The following DNAH9 variants were observed in gnomAD, a reference collection of about 807,000 sequenced individuals.
DNAH9 encodes dynein axonemal heavy chain 9.
A neutral mutation model predicts 471.6 loss-of-function variants in DNAH9; 345 were observed. The observed-to-expected ratio is 0.73, with a 90% confidence interval of 0.67 to 0.80. The LOEUF is 0.80. Among genes scored for constraint, DNAH9 ranks in the 30% least tolerant of loss-of-function variants. The pLI, the probability that DNAH9 is intolerant of heterozygous loss-of-function variation, is 0.00. For synonymous variants in DNAH9, 2,093 were observed against 2,123.6 expected (o/e 0.99, Z 0.40); for missense variants, 5,407 against 5,609.2 (o/e 0.96, Z 1.15).
intron 45 of DNAH9, among the ~76,000 whole-genome samples, chr17:11,817,366 C>G (rs1296717560): frequency 1.3e-5 from 2 of 152,216 alleles, no homozygotes; most frequent in Non-Finnish European, 2.9e-5. Flanking sequence ...ATACCACCAT[C>G]ATTTGAGCAC....
chr17:11,797,379 G>A (rs1969281923), intron 42 of DNAH9, among the ~76,000 whole-genome samples: 1 of 152,072 alleles, frequency 6.6e-6, no homozygotes. Flanking sequence ...CCCATCCTCA[G>A]TCCTTAAGGA....
chr17:11,924,357 G>A (rs1347751496), intron 62 of DNAH9, among the ~76,000 whole-genome samples: 1 of 152,004 alleles, frequency 6.6e-6, no homozygotes, highest in Non-Finnish European at 1.5e-5. Flanking sequence ...CTTCGTCACG[G>A]GCATGACTAG....
At chr17:11,814,244 G>A (rs1970018067) in intron 45 of DNAH9, among the ~76,000 whole-genome samples, 1 of 152,092 alleles carries the variant, frequency 6.6e-6, no homozygotes, top group South Asian at 2.1e-4. Context: ...AAAAAAATCA[G>A]AATTATTCCC....
rs771083100 is a variant in DNAH9, at chr17:11,793,579, G to A, written c.8138G>A (p.Arg2713Gln). Residue 2713 changes from arginine to glutamine, a missense_variant, in exon 42 of 69, where the codon CGA becomes CAA. By Grantham distance (43) the Arg-to-Gln change is conservative. Around this residue, in one of 3 missense-constraint regions of DNAH9, gnomAD observed 4,636 missense variants for 4,900.3 expected, o/e 0.95. Transcript: ENST00000262442. ...LIRLYLHESN[R>Q]VYRDKMVEEK... ...AGGCTCTATCTGCATGAATCAAATCGAGTTTATCGGGATAAGATGGTAGAA... is the reference window on the plus strand; with the variant it reads ...AGGCTCTATCTGCATGAATCAAATCAAGTTTATCGGGATAAGATGGTAGAA... 1.8e-5 allele frequency: 29 copies of A among 1,613,704 alleles called. No individual in the cohort carries two copies. Among genetic ancestry groups the A allele is most frequent in the Non-Finnish European group, 2.1e-5 (25 of 1,179,860 alleles).
intron 49 of DNAH9, among the ~76,000 whole-genome samples, chr17:11,835,998 C>A (rs1422756142): frequency 6.6e-6 from 1 of 152,192 alleles, no homozygotes; most frequent in Non-Finnish European, 1.5e-5. Context: ...CCCCAGTCCA[C>A]CGTGCCAGTC....
At chr17:11,744,677 C>A in intron 30 of DNAH9, 120 bp from the exon 31 acceptor site, 1 of 834,724 alleles carries the variant, frequency 1.2e-6, no homozygotes, top group South Asian at 1.8e-5. Context: ...TCCCTTCCCA[C>A]GTCTCTGTCC....
Position 11,784,667 on chromosome 17 carries a change from T to A in DNAH9, c.8061+128T>A, listed in dbSNP as rs1270355624. On this transcript the variant is annotated intron_variant, in intron 41 of 68. Coordinates refer to ENST00000262442, the MANE Select transcript of DNAH9 (RefSeq NM_001372.4). The stretch of plus-strand genomic sequence containing the variant: ...CAAAGCCACTGTTCATATGTAATCA[T>A]GAACATAAGCAGGTACACACAGTGC... 1.6e-5 allele frequency: 22 copies of A among 1,370,150 alleles called. No individual in the cohort carries two copies. The East Asian group carries it at 5.1e-4, about 31-fold the overall frequency. 84.9% of individuals were successfully genotyped at this position (1,370,150 alleles called of 1,614,324 possible).
intron 4 of DNAH9, chr17:11,612,276 A>G: frequency 4.5e-6 from 1 of 220,084 alleles, no homozygotes; most frequent in South Asian, 9.5e-5. Flanking sequence ...CAGCCTAACC[A>G]TGCCTTCCAG....
At chr17:11,645,770 C>G (rs767072231) in intron 11 of DNAH9, among the ~76,000 whole-genome samples, 1 of 152,042 alleles carries the variant, frequency 6.6e-6, no homozygotes, top group African/African-American at 2.4e-5. Context: ...GCAAGCATCC[C>G]TTCATCACCT....
intron 64 of DNAH9, among the ~76,000 whole-genome samples, chr17:11,933,374 C>CA (rs1555526563): frequency 2.7e-5 from 4 of 148,966 alleles, no homozygotes; most frequent in Non-Finnish European, 6.0e-5. Context: ...ATTCTTCAAG[C>CA]TTTTTTTTTT....
Position 11,610,518 on chromosome 17 carries a change from C to A in DNAH9, c.737C>A (p.Pro246His). 6.2e-7 allele frequency: 1 copy of A among 1,612,978 alleles called. No homozygotes were observed. The highest frequency in any genetic ancestry group is 8.5e-7 in the Non-Finnish European group (1 of 1,179,960). Reference protein sequence around the residue: ...SSQPLLQGENPTPKVELEFWK... With the variant: ...SSQPLLQGENHTPKVELEFWK... ...CAGCCACTCTTACAAGGGGAGAATC[C>A]CACCCCTAAGGTGGAGTTGGAGTTC... Residue 246 changes from proline to histidine, a missense_variant, in exon 3 of 69, where the codon CCC becomes CAC. Pro to His is a moderately conservative substitution (Grantham distance 77, BLOSUM62 -2). Coordinates refer to ENST00000262442, the MANE Select transcript of DNAH9 (RefSeq NM_001372.4).
At chr17:11,761,844 G>A (rs1289401959) in intron 35 of DNAH9, among the ~76,000 whole-genome samples, 1 of 152,112 alleles carries the variant, frequency 6.6e-6, no homozygotes, top group Non-Finnish European at 1.5e-5. Context: ...TACTCTGATT[G>A]CTAATTTCCA....
chr17:11,816,065 G>A (rs538099130), intron 45 of DNAH9, among the ~76,000 whole-genome samples: 7 of 152,108 alleles, frequency 4.6e-5, no homozygotes, highest in Non-Finnish European at 5.9e-5. Flanking sequence ...TACCTTAGGC[G>A]TTCCCTCTCT....
chr17:11,844,962 G>A (rs1188404840), intron 49 of DNAH9, among the ~76,000 whole-genome samples: 10 of 151,108 alleles, frequency 6.6e-5, no homozygotes, highest in Non-Finnish European at 3.0e-5. Flanking sequence ...TTTGAGAAGT[G>A]TCTGTTCATG....
At position 11,708,053 on chromosome 17, in the gene DNAH9, A is replaced by AGAGAGC. The variant is rs1212348509; in HGVS notation, c.5552+2871_5552+2872insAGCGAG. 3.1e-4 allele frequency among the ~76,000 whole-genome samples: 46 copies of AGAGAGC among 147,954 alleles called. 1 individual carries two copies. In the East Asian group the frequency reaches 9.6e-3, roughly 31 times the overall value. The stretch of plus-strand genomic sequence containing the variant: ...GAGAGAGAGAGAGAGAGAGAGAGAG[A>AGAGAGC]GAGCAGGTAACCCTGACAGAGCCTC... On this transcript the variant is annotated intron_variant, in intron 26 of 68. Coordinates refer to ENST00000262442, the MANE Select transcript of DNAH9 (RefSeq NM_001372.4).
intron 27 of DNAH9, 82 bp downstream of exon 27, chr17:11,719,572 G>A: frequency 1.5e-6 from 2 of 1,355,836 alleles, no homozygotes; most frequent in Non-Finnish European, 2.0e-6. Context: ...ACGCATCCGT[G>A]CCACCCTGAC....
intron 14 of DNAH9, among the ~76,000 whole-genome samples, chr17:11,653,518 C>T (rs917285997): frequency 2.0e-4 from 30 of 152,140 alleles, no homozygotes; most frequent in African/African-American, 6.0e-4. Context: ...GGAAACTTTA[C>T]GTCCCATCAT....
chr17:11,745,289 G>A (rs2075505020), intron 31 of DNAH9, among the ~76,000 whole-genome samples: 1 of 152,138 alleles, frequency 6.6e-6, no homozygotes, highest in South Asian at 2.1e-4. Flanking sequence ...AAAGTTGGAG[G>A]ATCCTTACTT....
rs190365807 is a variant in DNAH9, at chr17:11,712,225, T to C, written c.5552+7040T>C. ...TTATATAATTTTAAAAACTCCCATA[T>C]TTTTTAGGTTCACTCATGGCAGAGC... On this transcript the variant is annotated intron_variant, in intron 26 of 68. Transcript: ENST00000262442. Among the ~76,000 whole-genome samples, 530 of 147,768 alleles carry C rather than the reference T, an allele frequency of 3.6e-3. 3 individuals are homozygous for C. The highest frequency in any genetic ancestry group is 0.012 in the African/African-American group (498 of 39,980).
Sources: allele counts gnomAD v4.1 joint callset (sites outside exome capture counted in the v4.1 genomes callset), GRCh38; gene constraint gnomAD v4.1.1; regional missense constraint gnomAD v4.1.1; transcripts MANE v1.5; gene names NCBI Gene and HGNC (gene_info 2026-07-23, HGNC 2026-07-21).